The following GON4L variants were observed in gnomAD, a reference collection of about 807,000 sequenced individuals.
GON4L encodes gon-4 like, also known as GON-4-like protein.
GON4L carries 87 observed loss-of-function variants against 211.8 expected under a neutral mutation model. The observed-to-expected ratio is 0.41, with a 90% confidence interval of 0.35 to 0.49. GON4L has a LOEUF of 0.49. Among genes scored for constraint, GON4L ranks in the 20% least tolerant of loss-of-function variants. The pLI, the probability that GON4L is intolerant of heterozygous loss-of-function variation, is 0.15. For synonymous variants in GON4L, 875 were observed against 962.6 expected (o/e 0.91, Z 1.68); for missense variants, 2,155 against 2,659.5 (o/e 0.81, Z 4.17).
rs1156911871 is a variant in GON4L, at chr1:155,798,113, AATATAT to A, written c.1646-2968_1646-2963del. Among the ~76,000 whole-genome samples the A allele has an allele frequency of 1.2e-4, 16 of 129,048 alleles. No individual in the cohort carries two copies. In the East Asian group the frequency reaches 2.1e-3, roughly 17 times the overall value. 84.7% of individuals were successfully genotyped at this position (129,048 alleles called of 152,430 possible). On this transcript the variant is annotated intron_variant, in intron 11 of 31. Transcript: ENST00000368331. ...AATATATATTTTTTATATAAATATAAATATATATAAATATATATATACTTATACAGA... is the reference window on the plus strand; with the variant it reads ...AATATATATTTTTTATATAAATATAAATAAATATATATATACTTATACAGA...
chr1:155,846,211 T>G, intron 2 of GON4L: 1 of 228,268 alleles, frequency 4.4e-6, no homozygotes, highest in East Asian at 1.1e-4. Context: ...CCAACTGGGA[T>G]GCAGAGAAGA....
At chr1:155,829,784 T>C (rs1178369327) in intron 2 of GON4L, among the ~76,000 whole-genome samples, 9 of 152,016 alleles carry the variant, frequency 5.9e-5, no homozygotes, top group Admixed American at 5.9e-4. Flanking sequence ...ATCCAGCATA[T>C]CTATAAAGGA....
rs1557890449 is a variant in GON4L, at chr1:155,813,676, A to G, written c.1410T>C (p.Asp470=). Residue 470 remains aspartate (D), a synonymous_variant, in exon 10 of 32, where the codon GAT becomes GAC. Transcript: ENST00000368331. ...AGACTGGACTGGAAGCCAGCTCCTC[A>G]TCTACCGCATGTAACTTCTCCATGA... The part of the protein sequence containing the change: ...STFMEKLHAV[D]EELASSPVCM... 6.2e-7 allele frequency: 1 copy of G among 1,613,634 alleles called. No homozygotes were observed. Among genetic ancestry groups the G allele is most frequent in the Middle Eastern group, 1.7e-4 (1 of 6,060 alleles).
chr1:155,780,428 TG>T (rs1037969776), intron 14 of GON4L, among the ~76,000 whole-genome samples: 2 of 151,520 alleles, frequency 1.3e-5, no homozygotes, highest in African/African-American at 4.8e-5. Flanking sequence ...CCTGTCTCTA[TG>T]AAAAAATACG....
chr1:155,757,014 G>C lies in GON4L; in HGVS notation c.5461C>G (p.Pro1821Ala). 6.2e-7 allele frequency: 1 copy of C among 1,613,642 alleles called. No individual in the cohort carries two copies. Among genetic ancestry groups the C allele is most frequent in the Non-Finnish European group, 8.5e-7 (1 of 1,179,578 alleles). The change falls in exon 27 of 32, where the codon CCC becomes GCC. Residue 1821 changes from proline (P) to alanine (A), a missense_variant. Physicochemically the swap from Pro to Ala is conservative, Grantham distance 27. Around this residue, in one of 6 missense-constraint regions of GON4L, gnomAD observed 455 missense variants for 504.6 expected, o/e 0.90. Transcript: ENST00000368331. Reference sequence around the variant, plus strand: ...TTCCTCTTGTTCTTTGAGGCTGTGGGTATCTTGGGAGGCTCCTCCTCTTCT... The same window carrying C: ...TTCCTCTTGTTCTTTGAGGCTGTGGCTATCTTGGGAGGCTCCTCCTCTTCT... ...VEEEEEPPKI[P>A]TASKNKRKKE...
At chr1:155,856,805 C>A (rs934221436) in intron 1 of GON4L, among the ~76,000 whole-genome samples, 1 of 148,018 alleles carries the variant, frequency 6.8e-6, no homozygotes, top group South Asian at 2.1e-4. Flanking sequence ...AGAAAGACAG[C>A]TACTTCAGCT....
intron 3 of GON4L, among the ~76,000 whole-genome samples, chr1:155,825,960 T>C (rs977656757): frequency 2.0e-5 from 3 of 151,948 alleles, no homozygotes; most frequent in Non-Finnish European, 2.9e-5. Context: ...GGAGAATCGC[T>C]TGAACCTGGG....
Position 155,814,504 on chromosome 1 carries a change from A to C in GON4L, c.1162-55T>G, listed in dbSNP as rs184841861. ...TTTATGCCCCTACCTCATTCCACAAAGTCTGAAGTATCTCAAGAGAAGGAA... is the reference window on the plus strand; with the variant it reads ...TTTATGCCCCTACCTCATTCCACAACGTCTGAAGTATCTCAAGAGAAGGAA... On this transcript the variant is annotated intron_variant, in intron 8 of 31. Transcript: ENST00000368331. 2.1e-5 allele frequency: 33 copies of C among 1,549,032 alleles called. 1 individual carries two copies. The highest frequency in any genetic ancestry group is 3.3e-5 in the South Asian group (3 of 89,730).
chr1:155,750,835 C>T (rs1442537812), intron 31 of GON4L, 102 bp from the exon 32 acceptor site: 25 of 1,108,998 alleles, frequency 2.3e-5, no homozygotes, highest in Non-Finnish European at 3.2e-5. Context: ...ACTGTGTCAG[C>T]TTACTGCAAC....
chr1:155,760,388 C>G (rs1661667207), intron 24 of GON4L, 56 bp downstream of exon 24: 1 of 1,088,046 alleles, frequency 9.2e-7, no homozygotes, highest in Admixed American at 2.0e-5. Context: ...CCCATTCAAT[C>G]CCAGTCTCAC....
intron 10 of GON4L, among the ~76,000 whole-genome samples, chr1:155,810,705 T>G (rs1449698574): frequency 1.2e-5 from 1 of 80,804 alleles, no homozygotes; most frequent in African/African-American, 6.3e-5. Flanking sequence ...AGACTCCGTC[T>G]CAAAAAAAAA....
chr1:155,803,601 T>C (rs1479934181), intron 11 of GON4L, among the ~76,000 whole-genome samples: 1 of 152,192 alleles, frequency 6.6e-6, no homozygotes, highest in African/African-American at 2.4e-5. Context: ...CCATTTCTGA[T>C]AATACCATTA....
chr1:155,845,394 A>G lies in GON4L; in HGVS notation c.505+7882T>C, dbSNP rs867378622. ...ATCATGAGGCTGGACCTGGTGGTGCAGAAGGTGGTAGTCCACCCCCAGGTA... is the reference window on the plus strand; with the variant it reads ...ATCATGAGGCTGGACCTGGTGGTGCGGAAGGTGGTAGTCCACCCCCAGGTA... On this transcript the variant is annotated intron_variant, in intron 2 of 31. Coordinates refer to ENST00000368331, the MANE Select transcript of GON4L (RefSeq NM_001282860.2). The G allele has an allele frequency of 1.2e-4, 35 of 304,110 alleles. 2 individuals are homozygous for G. The highest frequency in any genetic ancestry group is 1.0e-3 in the Admixed American group (26 of 25,342). The allele number at this position is 304,110 out of a possible 1,614,324, so 18.8% of individuals were successfully genotyped here. A position where few individuals can be genotyped will look rare whatever the true frequency, so the allele number is the denominator to read the frequency against.
At chr1:155,805,509 T>C (rs561116767) in intron 10 of GON4L, among the ~76,000 whole-genome samples, 4 of 152,250 alleles carry the variant, frequency 2.6e-5, no homozygotes, top group African/African-American at 9.6e-5. Flanking sequence ...TACCCATTAG[T>C]AGTCGCTTCC....
At chr1:155,761,344 GCTCA>G (rs983792969) in intron 23 of GON4L, among the ~76,000 whole-genome samples, 3 of 150,400 alleles carry the variant, frequency 2.0e-5, no homozygotes, top group East Asian at 1.9e-4. Context: ...ACCATGCTTA[GCTCA>G]CTATTTTTTT....
At position 155,752,422 on chromosome 1, in the gene GON4L, C is replaced by T. The variant is rs909871122; in HGVS notation, c.6011G>A (p.Arg2004His). Residue 2004 changes from arginine to histidine, a missense_variant, in exon 30 of 32, where the codon CGC becomes CAC. Arg to His is a conservative substitution (Grantham distance 29, BLOSUM62 0). This residue lies in a region of GON4L where 186 missense variants were observed against 308.1 expected (regional missense o/e 0.60). Transcript: ENST00000368331. ...VKRNQVGPEV[R>H]SCPKASPRLQ... ...TCTGGGGGATGCCTTGGGGCAGGAG[C>T]GAACCTCAGGCCCAACCTGGTTTCT... 3.2e-6 allele frequency: 5 copies of T among 1,573,354 alleles called. No homozygotes were observed. The highest frequency in any genetic ancestry group is 2.3e-5 in the South Asian group (2 of 87,048).
chr1:155,749,026 G>C (rs999974760), downstream of GON4L, among the ~76,000 whole-genome samples: 21 of 152,142 alleles, frequency 1.4e-4, no homozygotes, highest in Non-Finnish European at 1.9e-4. Flanking sequence ...GGCTGAGGTG[G>C]GCAGATCACC....
intron 19 of GON4L, 113 bp downstream of exon 19, chr1:155,770,954 G>A: frequency 7.0e-7 from 1 of 1,435,786 alleles, no homozygotes. Context: ...GTGTAAAGTG[G>A]GAGAAATTAG....
intron 12 of GON4L, among the ~76,000 whole-genome samples, chr1:155,791,552 T>C (rs981286949): frequency 2.0e-5 from 3 of 151,718 alleles, no homozygotes; most frequent in Admixed American, 6.6e-5. Flanking sequence ...TAAATTGCTT[T>C]TTTTTTTCTT....
Sources: gnomAD v4.1 joint callset for allele counts (sites outside exome capture counted in the v4.1 genomes callset) on GRCh38, gnomAD v4.1.1 for gene constraint, gnomAD v4.1.1 regional missense constraint, MANE v1.5 for transcripts, NCBI Gene and HGNC (gene_info 2026-07-23, HGNC 2026-07-21) for gene names.